Variants in NCK2 observed in about 807,000 individuals in gnomAD.
NCK2 encodes cytoplasmic protein NCK2.
Under a neutral mutation model 33.9 loss-of-function variants are expected in NCK2, and 16 were observed. That is an observed-to-expected ratio of 0.47 (90% CI 0.32 to 0.72). NCK2 has a LOEUF of 0.72. Among genes scored for constraint, NCK2 ranks in the 30% least tolerant of loss-of-function variants. The probability of loss-of-function intolerance (pLI) is 0.03; values close to 1 mark genes in which losing one functional copy is unlikely to be tolerated. For missense variants in NCK2, 418 were observed against 537.3 expected, an observed-to-expected ratio of 0.78 and a Z score of 2.19; for synonymous variants, 273 against 239.9, an observed-to-expected ratio of 1.14 and a Z score of -1.27.
chr2:105,753,121 A>G (rs78537698), intron 1 of NCK2, among the ~76,000 whole-genome samples: 1 of 152,262 alleles, frequency 6.6e-6, no homozygotes, highest in Non-Finnish European at 1.5e-5. Flanking sequence ...GAAAATACAT[A>G]AAACAGAACT....
At chr2:105,787,332 G>T (rs1028223405) in intron 1 of NCK2, among the ~76,000 whole-genome samples, 1 of 152,198 alleles carries the variant, frequency 6.6e-6, no homozygotes, top group Non-Finnish European at 1.5e-5. Context: ...AGAAATTCAG[G>T]TGGTGAAGTT....
At chr2:105,839,685 T>G (rs1172997190) in intron 2 of NCK2, among the ~76,000 whole-genome samples, 2 of 152,198 alleles carry the variant, frequency 1.3e-5, no homozygotes, top group African/African-American at 4.8e-5. Context: ...GATGCAGATG[T>G]TCACCAGGTA....
chr2:105,748,527 G>A (rs144900059), intron 1 of NCK2, among the ~76,000 whole-genome samples: 1 of 152,132 alleles, frequency 6.6e-6, no homozygotes, highest in East Asian at 1.9e-4. Context: ...CTCAGCCTCC[G>A]AGTAGCTGGG....
intron 1 of NCK2, among the ~76,000 whole-genome samples, chr2:105,797,477 C>T (rs1487828593): frequency 1.3e-5 from 2 of 152,150 alleles, no homozygotes; most frequent in South Asian, 2.1e-4. Flanking sequence ...CAGCAGGCTG[C>T]CAGGCTGTGC....
intron 3 of NCK2, among the ~76,000 whole-genome samples, chr2:105,866,571 A>G (rs1677772373): frequency 6.6e-6 from 1 of 152,226 alleles, no homozygotes; most frequent in African/African-American, 2.4e-5. Context: ...GGAGCTCACA[A>G]GCTAGATCCC....
chr2:105,801,472 A>G (rs1472338621), intron 1 of NCK2, among the ~76,000 whole-genome samples: 1 of 151,762 alleles, frequency 6.6e-6, no homozygotes, highest in Non-Finnish European at 1.5e-5. Context: ...GCACAACGTT[A>G]ACAGATAAGA....
intron 1 of NCK2, among the ~76,000 whole-genome samples, chr2:105,774,284 C>G (rs1288623433): frequency 6.6e-6 from 1 of 152,122 alleles, no homozygotes; most frequent in Non-Finnish European, 1.5e-5. Flanking sequence ...GCTGGGATTA[C>G]AGGTGTGAGC....
At chr2:105,787,734 C>T (rs975628057) in intron 1 of NCK2, among the ~76,000 whole-genome samples, 3 of 152,162 alleles carry the variant, frequency 2.0e-5, no homozygotes, top group Non-Finnish European at 2.9e-5. Context: ...AGGAGCATCT[C>T]CACTAGCCAG....
At chr2:105,800,202 A>G (rs756145447) in intron 1 of NCK2, among the ~76,000 whole-genome samples, 1 of 152,210 alleles carries the variant, frequency 6.6e-6, no homozygotes, top group African/African-American at 2.4e-5. Flanking sequence ...CCACATGCCC[A>G]GGGTGAACAC....
chr2:105,749,063 G>C (rs1301494816), intron 1 of NCK2, among the ~76,000 whole-genome samples: 1 of 152,106 alleles, frequency 6.6e-6, no homozygotes, highest in Non-Finnish European at 1.5e-5. Context: ...AACAACAACA[G>C]CAACAACAAC....
intron 2 of NCK2, among the ~76,000 whole-genome samples, chr2:105,825,664 T>C (rs1024098941): frequency 2.0e-5 from 3 of 152,234 alleles, no homozygotes; most frequent in African/African-American, 7.2e-5. Context: ...TCTCTTGTTT[T>C]ATTAGAGATT....
At chr2:105,880,480 A>G (rs1678425514) in intron 3 of NCK2, among the ~76,000 whole-genome samples, 1 of 152,136 alleles carries the variant, frequency 6.6e-6, no homozygotes, top group South Asian at 2.1e-4. Flanking sequence ...TAGGGCTGTT[A>G]TGCTGCCCAG....
In NCK2 at chr2:105,753,237, G is replaced by A. The variant is rs150997503; in HGVS notation, c.-201+8099G>A. Among the ~76,000 whole-genome samples the A allele has an allele frequency of 2.0e-5, 3 of 152,350 alleles. No individual in the cohort carries two copies. In the East Asian group the frequency reaches 5.8e-4, roughly 29 times the overall value. ...ATTCTGGGAACGCCTTATCAGCCAA[G>A]TGGTTGGGGAAGGCCCTGGACTTTG... On this transcript the variant is annotated intron_variant, in intron 1 of 4. Transcript: ENST00000233154.
At chr2:105,791,393 C>T (rs190698195) in intron 1 of NCK2, among the ~76,000 whole-genome samples, 1 of 152,270 alleles carries the variant, frequency 6.6e-6, no homozygotes, top group East Asian at 1.9e-4. Context: ...GTGGAAGGCT[C>T]GGTGGCTTTC....
intron 1 of NCK2, among the ~76,000 whole-genome samples, chr2:105,790,209 G>A (rs1226762205): frequency 6.6e-6 from 1 of 152,230 alleles, no homozygotes; most frequent in East Asian, 1.9e-4. Flanking sequence ...TAAACCGTTA[G>A]AAATAGTGTG....
chr2:105,855,461 A>T (rs1262610809), intron 3 of NCK2, 172 bp downstream of exon 3: 2 of 584,860 alleles, frequency 3.4e-6, no homozygotes, highest in East Asian at 5.9e-5. Context: ...GAGAAAGAGG[A>T]TGTTTTTCAT....
At chr2:105,860,078 A>C (rs1186056560) in intron 3 of NCK2, among the ~76,000 whole-genome samples, 3 of 152,200 alleles carry the variant, frequency 2.0e-5, no homozygotes, top group Admixed American at 2.0e-4. Context: ...TGAGGCCACG[A>C]ATTTGAGACC....
intron 3 of NCK2, among the ~76,000 whole-genome samples, chr2:105,856,428 G>A (rs1677274186): frequency 6.6e-6 from 1 of 152,204 alleles, no homozygotes; most frequent in African/African-American, 2.4e-5. Flanking sequence ...ATTATCACCT[G>A]TGTCACATTT....
intron 1 of NCK2, among the ~76,000 whole-genome samples, chr2:105,791,207 C>G (rs1386666568): frequency 2.0e-5 from 3 of 152,178 alleles, no homozygotes; most frequent in African/African-American, 7.2e-5. Flanking sequence ...ATCCTTCCTT[C>G]CAGGATTTAA....
Sources: gnomAD v4.1 joint callset for allele counts (sites outside exome capture counted in the v4.1 genomes callset) on GRCh38, gnomAD v4.1.1 for gene constraint, MANE v1.5 for transcripts, NCBI Gene and HGNC (gene_info 2026-07-23, HGNC 2026-07-21) for gene names.